NKAIN3: variants seen among roughly 807,000 people sequenced by gnomAD.
NKAIN3 encodes the protein sodium/potassium-transporting ATPase subunit beta-1-interacting protein 3.
A neutral mutation model predicts 30.2 loss-of-function variants in NKAIN3; 25 were observed. The ratio of observed to expected loss-of-function variants is 0.83; its 90% CI spans 0.60 to 1.16. NKAIN3 has a LOEUF of 1.16. Ranked by LOEUF, NKAIN3 falls within the 50% of genes most tolerant of loss-of-function variation. The probability of loss-of-function intolerance (pLI) is 0.00; values close to 1 mark genes in which losing one functional copy is unlikely to be tolerated. For synonymous variants in NKAIN3, 91 were observed against 89.6 expected, an observed-to-expected ratio of 1.02 and a Z score of -0.09; for missense variants, 225 against 254.1, an observed-to-expected ratio of 0.89 and a Z score of 0.78.
intron 4 of NKAIN3, chr8:62,864,182 G>T: frequency 1.6e-6 from 1 of 644,428 alleles, no homozygotes; most frequent in South Asian, 1.9e-5. Context: ...CAACCGACCG[G>T]GAGGAGGCTC....
intron 4 of NKAIN3, among the ~76,000 whole-genome samples, chr8:62,752,616 A>G (rs769532020): frequency 6.6e-6 from 1 of 152,230 alleles, no homozygotes; most frequent in Non-Finnish European, 1.5e-5. Context: ...CAGAATTATT[A>G]CAGTGGAACA....
chr8:62,652,582 T>C (rs1812657794), intron 3 of NKAIN3, among the ~76,000 whole-genome samples: 1 of 152,160 alleles, frequency 6.6e-6, no homozygotes, highest in Non-Finnish European at 1.5e-5. Flanking sequence ...AAAATATTTC[T>C]GAGGAGGTTT....
At chr8:62,517,890 A>T (rs1398859173) in intron 1 of NKAIN3, among the ~76,000 whole-genome samples, 1 of 152,042 alleles carries the variant, frequency 6.6e-6, no homozygotes, top group African/African-American at 2.4e-5. Context: ...GAGAAACTAT[A>T]TCTATATCTA....
At chr8:62,934,558 G>T (rs913707305) in intron 5 of NKAIN3, among the ~76,000 whole-genome samples, 1 of 152,058 alleles carries the variant, frequency 6.6e-6, no homozygotes, top group South Asian at 2.1e-4. Flanking sequence ...GACAGAAGCT[G>T]CAGCAGTAGT....
chr8:62,602,873 A>G (rs1296430133), intron 3 of NKAIN3, among the ~76,000 whole-genome samples: 1 of 152,152 alleles, frequency 6.6e-6, no homozygotes, highest in Non-Finnish European at 1.5e-5. Flanking sequence ...ATTCTAATAC[A>G]TGAAAATTTG....
At chr8:62,395,995 C>T (rs28614032) in intron 1 of NKAIN3, among the ~76,000 whole-genome samples, 1,525 of 152,230 alleles carry the variant, frequency 0.01, 26 homozygotes, top group South Asian at 0.024. Flanking sequence ...ACTTTATGAG[C>T]TACCAGAATT....
At chr8:62,553,383 A>C (rs1199584619) in intron 1 of NKAIN3, among the ~76,000 whole-genome samples, 1 of 152,178 alleles carries the variant, frequency 6.6e-6, no homozygotes, top group Non-Finnish European at 1.5e-5. Context: ...ACAATATGCA[A>C]ACCATTGTTA....
chr8:62,403,953 C>G (rs1212261695), intron 1 of NKAIN3, among the ~76,000 whole-genome samples: 3 of 152,366 alleles, frequency 2.0e-5, no homozygotes, highest in African/African-American at 7.2e-5. Context: ...TGTAAAGCCA[C>G]AGGGGCAGAG....
At chr8:62,824,126 G>A (rs1415717769) in intron 4 of NKAIN3, among the ~76,000 whole-genome samples, 1 of 152,106 alleles carries the variant, frequency 6.6e-6, no homozygotes, top group Non-Finnish European at 1.5e-5. Flanking sequence ...TTATACCCCT[G>A]CATTGACCAG....
intron 3 of NKAIN3, among the ~76,000 whole-genome samples, chr8:62,672,942 G>A (rs923847624): frequency 5.3e-5 from 8 of 152,170 alleles, no homozygotes; most frequent in Non-Finnish European, 4.4e-5. Context: ...GTAAATGGAA[G>A]TAATACCTGT....
At chr8:62,714,214 T>C (rs1407625966) in intron 3 of NKAIN3, among the ~76,000 whole-genome samples, 2 of 152,118 alleles carry the variant, frequency 1.3e-5, no homozygotes, top group African/African-American at 4.8e-5. Context: ...GATAGGTTTA[T>C]TGAAGTGTAA....
At chr8:62,523,661 A>G (rs1725070323) in intron 1 of NKAIN3, among the ~76,000 whole-genome samples, 1 of 152,150 alleles carries the variant, frequency 6.6e-6, no homozygotes, top group Non-Finnish European at 1.5e-5. Context: ...TATAGGGCGC[A>G]CAGCATGGGA....
chr8:62,480,954 C>A (rs1806700398), intron 1 of NKAIN3, among the ~76,000 whole-genome samples: 1 of 152,060 alleles, frequency 6.6e-6, no homozygotes, highest in Non-Finnish European at 1.5e-5. Context: ...AAGTAACTGG[C>A]ATCCCAAAAA....
intron 3 of NKAIN3, among the ~76,000 whole-genome samples, chr8:62,730,103 G>A (rs1279998064): frequency 6.6e-6 from 1 of 152,052 alleles, no homozygotes; most frequent in African/African-American, 2.4e-5. Flanking sequence ...GACCGACTTT[G>A]TACTTTATTG....
At chr8:62,753,949 T>A (rs1816368180) in intron 4 of NKAIN3, among the ~76,000 whole-genome samples, 1 of 152,154 alleles carries the variant, frequency 6.6e-6, no homozygotes, top group Non-Finnish European at 1.5e-5. Context: ...TAAGACCATA[T>A]ATAAAACATG....
intron 4 of NKAIN3, among the ~76,000 whole-genome samples, chr8:62,788,202 GTT>G (rs1042544199): frequency 1.2e-4 from 19 of 152,086 alleles, no homozygotes; most frequent in African/African-American, 4.6e-4. Flanking sequence ...AGCACCTGTT[GTT>G]TCCTGACTTT....
chr8:62,765,083 A>T (rs2130624391), intron 4 of NKAIN3, among the ~76,000 whole-genome samples: 1 of 152,070 alleles, frequency 6.6e-6, no homozygotes, highest in South Asian at 2.1e-4. Flanking sequence ...TCTGTACTAA[A>T]GATACCAAAC....
intron 1 of NKAIN3, among the ~76,000 whole-genome samples, chr8:62,313,465 T>C (rs1182483395): frequency 6.6e-6 from 1 of 152,196 alleles, no homozygotes; most frequent in African/African-American, 2.4e-5. Flanking sequence ...ATTATGCATG[T>C]ATTGATGTAC....
At chr8:62,336,551 CCTT>C in intron 1 of NKAIN3, among the ~76,000 whole-genome samples, 1 of 151,936 alleles carries the variant, frequency 6.6e-6, no homozygotes, top group South Asian at 2.1e-4. Context: ...TCTATGAGGC[CCTT>C]CTAGCTTCTG....
Sources: gnomAD v4.1 joint callset for allele counts (sites outside exome capture counted in the v4.1 genomes callset) on GRCh38, gnomAD v4.1.1 for gene constraint, MANE v1.5 for transcripts, NCBI Gene and HGNC (gene_info 2026-07-23, HGNC 2026-07-21) for gene names.